Variants in BMPR1B observed in about 807,000 individuals in gnomAD.
The protein encoded by BMPR1B is bone morphogenetic protein receptor type 1B.
A neutral mutation model predicts 59.1 loss-of-function variants in BMPR1B; 12 were observed. The ratio of observed to expected loss-of-function variants is 0.20; its 90% confidence interval spans 0.13 to 0.33. The LOEUF is 0.33. Among genes scored for constraint, BMPR1B ranks in the 10% least tolerant of loss-of-function variants. BMPR1B has a pLI of 1.00. For missense variants in BMPR1B, 550 were observed against 610.9 expected (o/e 0.90, Z 1.05); for synonymous variants, 237 against 207.3 (o/e 1.14, Z -1.23).
At chr4:94,773,189 A>G (rs1315180693) in intron 1 of BMPR1B, among the ~76,000 whole-genome samples, 1 of 152,134 alleles carries the variant, frequency 6.6e-6, no homozygotes, top group East Asian at 1.9e-4. Context: ...GAAAGGTCAT[A>G]ATCTAGAATC....
At position 94,891,142 on chromosome 4, in the gene BMPR1B, G is replaced by T. The variant is rs114642231; in HGVS notation, c.-113+15242G>T. Among the ~76,000 whole-genome samples, 867 of 152,064 alleles carry T rather than the reference G, an allele frequency of 5.7e-3. 7 individuals carry two copies. Among genetic ancestry groups the T allele is most frequent in the African/African-American group, 0.02 (818 of 41,512 alleles). ...TATCCTAATATGTGCATTGTACATA[G>T]TAAGTGGTTAGTATTTGTGTGGTAC... is the stretch of plus-strand genomic sequence containing the variant. On this transcript the variant is annotated intron_variant, in intron 2 of 12. Coordinates refer to ENST00000515059, the MANE Select transcript of BMPR1B (RefSeq NM_001203.3).
At chr4:94,778,129 C>T (rs1477810233) in intron 1 of BMPR1B, among the ~76,000 whole-genome samples, 1 of 151,952 alleles carries the variant, frequency 6.6e-6, no homozygotes, top group Non-Finnish European at 1.5e-5. Context: ...CTTGTACATC[C>T]AATAGTCAGC....
chr4:94,813,886 A>T (rs1419480771), intron 1 of BMPR1B, among the ~76,000 whole-genome samples: 1 of 152,168 alleles, frequency 6.6e-6, no homozygotes, highest in Non-Finnish European at 1.5e-5. Flanking sequence ...TGGTCTGTAC[A>T]ACTGGAAGAA....
At chr4:94,902,087 G>GTGT (rs1491111955) in intron 2 of BMPR1B, among the ~76,000 whole-genome samples, 11 of 128,564 alleles carry the variant, frequency 8.6e-5, no homozygotes, top group African/African-American at 2.9e-4. Context: ...GTGTGTGTGT[G>GTGT]GGGTGTATTT....
intron 1 of BMPR1B, among the ~76,000 whole-genome samples, chr4:94,808,781 G>A (rs1006040689): frequency 6.6e-6 from 1 of 152,166 alleles, no homozygotes; most frequent in Non-Finnish European, 1.5e-5. Flanking sequence ...TACAGGCTGG[G>A]CGCAGTGGCT....
rs186053124 is a variant in BMPR1B, at chr4:94,995,478, T to G, written c.-112-562T>G. ...TACAAAACTGCTTTCCTGTGTCATT[T>G]GGATTCATAATGTGTCATAATTAAG... On this transcript the variant is annotated intron_variant, in intron 2 of 12. Coordinates refer to ENST00000515059, the MANE Select transcript of BMPR1B (RefSeq NM_001203.3). Among the ~76,000 whole-genome samples the G allele has an allele frequency of 2.0e-5, 3 of 152,330 alleles. No individual in the cohort carries two copies. The East Asian group carries it at 5.8e-4, about 29-fold the overall frequency.
chr4:94,938,732 A>G (rs1014907354), intron 2 of BMPR1B, among the ~76,000 whole-genome samples: 8 of 152,126 alleles, frequency 5.3e-5, no homozygotes, highest in Admixed American at 3.3e-4. Context: ...ACTATCCTCT[A>G]TTTCTTCAAC....
rs35388032 is a variant in BMPR1B at position 94,758,924 on chromosome 4, G to GTC, written c.-183+871_-183+872dup. The stretch of plus-strand genomic sequence containing the variant: ...TCTGTCACTTTCGCACAATCTTTTG[G>GTC]TCTCTCTCTCTCTCTCAAGAGGCTT... On this transcript the variant is annotated intron_variant, in intron 1 of 12. Transcript: ENST00000515059. Among the ~76,000 whole-genome samples, 11 of 150,854 alleles carry GTC rather than the reference G, an allele frequency of 7.3e-5. No individual in the cohort carries two copies. In the East Asian group the frequency reaches 1.4e-3, roughly 19 times the overall value.
chr4:95,061,631 T>C (rs966219939), intron 3 of BMPR1B, among the ~76,000 whole-genome samples: 1 of 152,238 alleles, frequency 6.6e-6, no homozygotes, highest in Non-Finnish European at 1.5e-5. Flanking sequence ...AGAAAGTTGT[T>C]AGGTGAATTG....
intron 2 of BMPR1B, among the ~76,000 whole-genome samples, chr4:94,993,635 C>CCAAGG: frequency 6.6e-6 from 1 of 151,854 alleles, no homozygotes; most frequent in East Asian, 1.9e-4. Context: ...GTGGCACATG[C>CCAAGG]CTGTTGTCCT....
chr4:95,097,059 A>C (rs1730470093), intron 3 of BMPR1B, among the ~76,000 whole-genome samples: 2 of 145,570 alleles, frequency 1.4e-5, no homozygotes, highest in Admixed American at 1.4e-4. Context: ...AACTGTATAT[A>C]GTTATATATT....
chr4:94,999,768 G>A (rs1216999224), intron 3 of BMPR1B, among the ~76,000 whole-genome samples: 1 of 152,174 alleles, frequency 6.6e-6, no homozygotes, highest in South Asian at 2.1e-4. Context: ...AGTATTACTA[G>A]TAAACCTTCA....
chr4:95,104,387 T>C (rs779057360), intron 3 of BMPR1B, 21 bp from the exon 4 acceptor site: 2 of 1,612,140 alleles, frequency 1.2e-6, no homozygotes, highest in East Asian at 4.5e-5. Context: ...GATGCCTAAC[T>C]CTCACTATTT....
At chr4:94,848,905 G>T (rs13128703) in intron 1 of BMPR1B, among the ~76,000 whole-genome samples, 41,903 of 152,090 alleles carry the variant, frequency 0.28, 6,317 homozygotes, top group African/African-American at 0.39. Flanking sequence ...TTTTCCAGAT[G>T]ACATGATGGA....
At chr4:95,094,550 A>G (rs1730226504) in intron 3 of BMPR1B, among the ~76,000 whole-genome samples, 3 of 152,088 alleles carry the variant, frequency 2.0e-5, no homozygotes, top group African/African-American at 4.8e-5. Flanking sequence ...ATTATTGACA[A>G]TTACTATGTG....
intron 3 of BMPR1B, among the ~76,000 whole-genome samples, chr4:95,008,883 A>G (rs1382421740): frequency 1.3e-5 from 2 of 152,162 alleles, no homozygotes; most frequent in Non-Finnish European, 2.9e-5. Context: ...TAATTAAAGA[A>G]CAAAATTAAA....
intron 2 of BMPR1B, among the ~76,000 whole-genome samples, chr4:94,950,053 T>A (rs1341852169): frequency 6.6e-6 from 1 of 152,180 alleles, no homozygotes. Context: ...GATGATGAGC[T>A]TTTTTTCATG....
At chr4:95,079,260 T>C (rs1247398827) in intron 3 of BMPR1B, among the ~76,000 whole-genome samples, 1 of 152,174 alleles carries the variant, frequency 6.6e-6, no homozygotes, top group African/African-American at 2.4e-5. Flanking sequence ...GTTCCTTTTG[T>C]CTTAATAGGT....
chr4:95,124,000 G>T, intron 7 of BMPR1B, 94 bp downstream of exon 7: 1 of 831,380 alleles, frequency 1.2e-6, no homozygotes, highest in East Asian at 2.5e-5. Context: ...TCTCACCACA[G>T]CTTTATTTAT....
Sources: allele counts gnomAD v4.1 joint callset (sites outside exome capture counted in the v4.1 genomes callset), GRCh38; gene constraint gnomAD v4.1.1; transcripts MANE v1.5; gene names NCBI Gene and HGNC (gene_info 2026-07-23, HGNC 2026-07-21).